ELAPOR2: variants seen among roughly 807,000 people sequenced by gnomAD.
ELAPOR2 encodes endosome/lysosome-associated apoptosis and autophagy regulator family member 2.
ELAPOR2 carries 89 observed loss-of-function variants against 120.7 expected under a neutral mutation model. That is an observed-to-expected ratio of 0.74 (90% CI 0.62 to 0.88). The LOEUF is 0.88. ELAPOR2 is among the 40% of genes least tolerant of loss of function. ELAPOR2 has a pLI of 0.00. For synonymous variants in ELAPOR2, 444 were observed against 444.9 expected, an observed-to-expected ratio of 1.00 and a Z score of 0.03; for missense variants, 1,134 against 1,251.6, an observed-to-expected ratio of 0.91 and a Z score of 1.42.
intron 1 of ELAPOR2, among the ~76,000 whole-genome samples, chr7:86,981,846 A>G (rs1437590376): frequency 1.3e-5 from 2 of 152,228 alleles, no homozygotes; most frequent in Non-Finnish European, 2.9e-5. Flanking sequence ...GAGCCAAAAC[A>G]GAGTGGGGTA....
intron 1 of ELAPOR2, among the ~76,000 whole-genome samples, chr7:86,992,745 T>C (rs1182088077): frequency 6.6e-6 from 1 of 152,236 alleles, no homozygotes; most frequent in Admixed American, 6.5e-5. Flanking sequence ...TTTATTTCTA[T>C]TCATGCTACT....
At chr7:87,034,020 T>C (rs1308161316) in intron 1 of ELAPOR2, among the ~76,000 whole-genome samples, 1 of 152,192 alleles carries the variant, frequency 6.6e-6, no homozygotes, top group Non-Finnish European at 1.5e-5. Context: ...TTAATAAAAT[T>C]CTTGAGGAAT....
chr7:86,917,301 T>A (rs979192286), intron 12 of ELAPOR2, among the ~76,000 whole-genome samples: 8 of 151,808 alleles, frequency 5.3e-5, no homozygotes, highest in Non-Finnish European at 1.2e-4. Flanking sequence ...TGCCTGTAAA[T>A]CCAGCTACTC....
intron 1 of ELAPOR2, among the ~76,000 whole-genome samples, chr7:87,058,756 TC>T (rs574719392): frequency 2.6e-5 from 4 of 151,774 alleles, no homozygotes; most frequent in Admixed American, 6.6e-5. Context: ...TCCTTTTTTT[TC>T]CCCCCCAAAT....
intron 1 of ELAPOR2, among the ~76,000 whole-genome samples, chr7:87,009,545 G>A (rs1477421900): frequency 6.6e-6 from 1 of 152,186 alleles, no homozygotes; most frequent in Non-Finnish European, 1.5e-5. Context: ...ATAGTCAGTG[G>A]AGTACCCCAG....
At chr7:86,969,642 T>A (rs538256986) in intron 1 of ELAPOR2, among the ~76,000 whole-genome samples, 2 of 152,100 alleles carry the variant, frequency 1.3e-5, no homozygotes, top group Admixed American at 6.6e-5. Flanking sequence ...CATAAATTTA[T>A]AAGAAAGCAT....
intron 3 of ELAPOR2, among the ~76,000 whole-genome samples, chr7:86,946,159 TCACACACACACA>T (rs3223108): frequency 3.4e-5 from 5 of 146,288 alleles, no homozygotes; most frequent in Non-Finnish European, 7.5e-5. Flanking sequence ...ATACCATTTC[TCACACACACACA>T]CACACACACA....
Position 86,893,172 on chromosome 7 carries a change from T to C in ELAPOR2, c.2686-72A>G, listed in dbSNP as rs1788263460. On this transcript the variant is annotated intron_variant, in intron 19 of 21. Transcript: ENST00000450689. Reference sequence around the variant, plus strand: ...TTCAGACTCAACTGTGAAAGCTAGATTTGTCACTGGTCAATTTCTTACATA... The same window carrying C: ...TTCAGACTCAACTGTGAAAGCTAGACTTGTCACTGGTCAATTTCTTACATA... 2.5e-6 allele frequency: 3 copies of C among 1,201,322 alleles called. No homozygotes were observed. The East Asian group carries it at 8.2e-5, about 33-fold the overall frequency. The allele number at this position is 1,201,322 out of a possible 1,614,324, so 74.4% of individuals were successfully genotyped here. A position where few individuals can be genotyped will look rare whatever the true frequency, so the allele number is the denominator to read the frequency against.
At chr7:87,047,246 T>C (rs549349278) in intron 1 of ELAPOR2, among the ~76,000 whole-genome samples, 1 of 152,288 alleles carries the variant, frequency 6.6e-6, no homozygotes, top group South Asian at 2.1e-4. Flanking sequence ...AAGGACAACA[T>C]TGGGGAAAAT....
At chr7:86,946,543 C>T (rs142520688) in intron 3 of ELAPOR2, among the ~76,000 whole-genome samples, 10,615 of 152,026 alleles carry the variant, frequency 0.07, 1,253 homozygotes, top group African/African-American at 0.24. Flanking sequence ...CCTGCCACCA[C>T]GCCAGGCTAA....
At chr7:87,059,275 TC>T (rs1320323436) in intron 1 of ELAPOR2, 49 bp downstream of exon 1, 3 of 1,243,912 alleles carry the variant, frequency 2.4e-6, no homozygotes, top group African/African-American at 3.1e-5. Flanking sequence ...GCCTTCATCT[TC>T]CGCGCCCTCC....
chr7:86,946,783 G>A (rs1277524224), intron 3 of ELAPOR2, among the ~76,000 whole-genome samples: 1 of 152,068 alleles, frequency 6.6e-6, no homozygotes, highest in African/African-American at 2.4e-5. Context: ...ACTATTCCAG[G>A]CAGAAAAAGA....
chr7:86,961,126 ATATGTAT>A, intron 2 of ELAPOR2, among the ~76,000 whole-genome samples: 1 of 152,298 alleles, frequency 6.6e-6, no homozygotes. Context: ...ATATACATCT[ATATGTAT>A]TACTTCATAT....
intron 2 of ELAPOR2, among the ~76,000 whole-genome samples, chr7:86,963,755 G>C (rs1791802333): frequency 6.6e-6 from 1 of 152,136 alleles, no homozygotes; most frequent in African/African-American, 2.4e-5. Context: ...CTGTCACTGA[G>C]AGCTCATCTG....
chr7:86,914,887 C>A, intron 12 of ELAPOR2, 27 bp from the exon 13 acceptor site: 2 of 1,560,564 alleles, frequency 1.3e-6, no homozygotes, highest in Admixed American at 1.8e-5. Flanking sequence ...AAACTATATT[C>A]AAATAAAGCA....
intron 1 of ELAPOR2, among the ~76,000 whole-genome samples, chr7:87,010,368 A>G (rs1310785173): frequency 6.6e-6 from 1 of 152,178 alleles, no homozygotes; most frequent in Non-Finnish European, 1.5e-5. Flanking sequence ...AGTACTACCT[A>G]TGTCTTTCAT....
At chr7:87,051,784 G>A (rs1795109140) in intron 1 of ELAPOR2, among the ~76,000 whole-genome samples, 1 of 152,130 alleles carries the variant, frequency 6.6e-6, no homozygotes, top group African/African-American at 2.4e-5. Context: ...TTACCAAGAA[G>A]GCTAACCATA....
intron 1 of ELAPOR2, among the ~76,000 whole-genome samples, chr7:87,021,686 A>G (rs1794045498): frequency 6.6e-6 from 1 of 152,188 alleles, no homozygotes; most frequent in Non-Finnish European, 1.5e-5. Context: ...GTCTTTAATC[A>G]TTTATACTCT....
rs868232732 is a variant in ELAPOR2, at chr7:86,954,803, T to C, written c.311-6881A>G. 2.0e-5 allele frequency among the ~76,000 whole-genome samples: 3 copies of C among 152,290 alleles called. No individual in the cohort carries two copies. In the South Asian group the frequency reaches 6.2e-4, roughly 32 times the overall value. ...ATTCCAGGATCAAGACAAGCCCATATGTCTATTTTTCTTCAATGGGTTAGT... is the reference window on the plus strand; with the variant it reads ...ATTCCAGGATCAAGACAAGCCCATACGTCTATTTTTCTTCAATGGGTTAGT... On this transcript the variant is annotated intron_variant, in intron 2 of 21. Coordinates refer to ENST00000450689, the MANE Select transcript of ELAPOR2 (RefSeq NM_001142749.3).
Sources: allele counts gnomAD v4.1 joint callset (sites outside exome capture counted in the v4.1 genomes callset), GRCh38; gene constraint gnomAD v4.1.1; transcripts MANE v1.5; gene names NCBI Gene and HGNC (gene_info 2026-07-23, HGNC 2026-07-21).